Variants in EHBP1 observed in about 807,000 individuals in gnomAD.
The protein encoded by EHBP1 is EH domain-binding protein 1.
EHBP1 carries 55 observed loss-of-function variants against 144.0 expected under a neutral mutation model. The observed-to-expected ratio is 0.38, with a 90% CI of 0.31 to 0.48. The LOEUF (loss-of-function observed/expected upper bound fraction) is 0.48, where lower values mean the gene tolerates loss of function less well. Ranked by LOEUF, EHBP1 falls within the 20% of genes least tolerant of loss-of-function variation. The probability of loss-of-function intolerance (pLI) is 0.98; values close to 1 mark genes in which losing one functional copy is unlikely to be tolerated. For missense variants in EHBP1, 1,200 were observed against 1,364.2 expected (o/e 0.88, Z 1.90); for synonymous variants, 469 against 472.7 (o/e 0.99, Z 0.10).
chr2:62,783,279 C>T (rs1266220873), intron 5 of EHBP1, among the ~76,000 whole-genome samples: 1 of 152,156 alleles, frequency 6.6e-6, no homozygotes, highest in African/African-American at 2.4e-5. Context: ...GTGGCTTTTC[C>T]AGGTGCACAG....
At chr2:62,741,605 C>T (rs1364366405) in intron 2 of EHBP1, among the ~76,000 whole-genome samples, 9 of 151,516 alleles carry the variant, frequency 5.9e-5, no homozygotes, top group African/African-American at 2.2e-4. Flanking sequence ...TAGTGCAGTC[C>T]CTTCATTTGA....
chr2:62,701,196 T>C (rs1165692185), upstream of EHBP1, among the ~76,000 whole-genome samples: 2 of 152,192 alleles, frequency 1.3e-5, no homozygotes, highest in African/African-American at 4.8e-5. Context: ...GTGAGGCATA[T>C]ATATAATTTA....
At chr2:62,962,895 G>A (rs1054855068) in intron 14 of EHBP1, among the ~76,000 whole-genome samples, 1 of 152,188 alleles carries the variant, frequency 6.6e-6, no homozygotes, top group Non-Finnish European at 1.5e-5. Context: ...CAGACTTGAA[G>A]TTTTTCTCCT....
intron 10 of EHBP1, among the ~76,000 whole-genome samples, chr2:62,898,837 T>A (rs1326794895): frequency 6.6e-6 from 1 of 152,156 alleles, no homozygotes; most frequent in Non-Finnish European, 1.5e-5. Context: ...CGGCCTTTAA[T>A]AGAGAAAGAG....
intron 5 of EHBP1, among the ~76,000 whole-genome samples, chr2:62,813,607 T>A (rs542718387): frequency 6.6e-6 from 1 of 152,280 alleles, no homozygotes; most frequent in East Asian, 1.9e-4. Flanking sequence ...TGAGAGCTGC[T>A]GGGTGGACTG....
intron 19 of EHBP1, among the ~76,000 whole-genome samples, chr2:63,014,044 A>C (rs982882339): frequency 9.2e-5 from 14 of 152,330 alleles, no homozygotes; most frequent in Admixed American, 2.6e-4. Context: ...GGCACCAGGA[A>C]GTACTCCGCA....
rs544674407 is a variant in EHBP1 at position 62,796,843 on chromosome 2, A to T, written c.312+25451A>T. ...ACTTCTGACTTTTTTTTTTTTTTTT[A>T]AATTTCTAAGACCAAACAGAGGCAG... is the stretch of plus-strand genomic sequence containing the variant. On this transcript the variant is annotated intron_variant, in intron 5 of 22. Coordinates refer to ENST00000431489, the MANE Select transcript of EHBP1 (RefSeq NM_001142616.3). Among the ~76,000 whole-genome samples, 895 of 147,214 alleles carry T rather than the reference A, an allele frequency of 6.1e-3. 7 individuals are homozygous for T. The highest frequency in any genetic ancestry group is 0.017 in the African/African-American group (684 of 40,124).
chr2:62,928,125 C>A lies in EHBP1; in HGVS notation c.1186-14593C>A, dbSNP rs2055678717. Among the ~76,000 whole-genome samples the A allele has an allele frequency of 2.6e-5, 4 of 152,170 alleles. No individual in the cohort carries two copies. In the South Asian group the frequency reaches 8.3e-4, roughly 31 times the overall value. Reference sequence around the variant, plus strand: ...GGAAATTTTTAGCAATTAACACTCACATTCAAATACAAGAAAGGGAACACC... The same window carrying A: ...GGAAATTTTTAGCAATTAACACTCAAATTCAAATACAAGAAAGGGAACACC... On this transcript the variant is annotated intron_variant, in intron 10 of 22. Transcript: ENST00000431489.
At chr2:62,851,346 A>C (rs2048681843) in intron 7 of EHBP1, among the ~76,000 whole-genome samples, 1 of 152,250 alleles carries the variant, frequency 6.6e-6, no homozygotes, top group South Asian at 2.1e-4. Flanking sequence ...CAGTTCTTCA[A>C]GTGTGTCATG....
At chr2:62,894,850 A>G (rs937795922) in intron 10 of EHBP1, among the ~76,000 whole-genome samples, 2 of 151,542 alleles carry the variant, frequency 1.3e-5, no homozygotes, top group Non-Finnish European at 2.9e-5. Flanking sequence ...CCCAGGAGTT[A>G]GAGGTTACAG....
intron 19 of EHBP1, among the ~76,000 whole-genome samples, chr2:63,017,349 T>C (rs1434903951): frequency 6.6e-6 from 1 of 152,178 alleles, no homozygotes; most frequent in Non-Finnish European, 1.5e-5. Flanking sequence ...GATCCCTCAT[T>C]ATGCCTGAGG....
intron 14 of EHBP1, among the ~76,000 whole-genome samples, chr2:62,974,130 T>TCCAGATACTAATA (rs1385243977): frequency 1.3e-5 from 2 of 152,202 alleles, no homozygotes; most frequent in African/African-American, 4.8e-5. Context: ...AGCTTGTGTC[T>TCCAGATACTAATA]CCAGATACTA....
rs539349378 is a variant in EHBP1, at chr2:62,978,068, T to A, written c.2461-1120T>A. ...GAGGTTCGGAGATGTTAAGGGGAGATAACCCTGCAAAGATATGTTGGGGCC... is the reference window on the plus strand; with the variant it reads ...GAGGTTCGGAGATGTTAAGGGGAGAAAACCCTGCAAAGATATGTTGGGGCC... On this transcript the variant is annotated intron_variant, in intron 14 of 22. Transcript: ENST00000431489. Among the ~76,000 whole-genome samples the A allele has an allele frequency of 8.1e-4, 123 of 152,268 alleles. 2 individuals are homozygous for A. In the South Asian group the frequency reaches 0.019, roughly 24 times the overall value.
chr2:62,677,832 G>A (rs1323917485), intron 1 of EHBP1, among the ~76,000 whole-genome samples: 11 of 152,018 alleles, frequency 7.2e-5, no homozygotes, highest in Admixed American at 7.2e-4. Context: ...CTTTCTTTTG[G>A]CTGAATAGTA....
intron 5 of EHBP1, among the ~76,000 whole-genome samples, chr2:62,821,771 G>A (rs528531649): frequency 3.1e-4 from 47 of 152,210 alleles, no homozygotes; most frequent in African/African-American, 9.1e-4. Context: ...GTTTTATACC[G>A]TGTTCTTAGT....
At chr2:62,856,825 C>G (rs901330390) in intron 7 of EHBP1, among the ~76,000 whole-genome samples, 1 of 152,150 alleles carries the variant, frequency 6.6e-6, no homozygotes, top group Non-Finnish European at 1.5e-5. Context: ...CATAAGGTGG[C>G]AGATGGAATT....
chr2:63,039,315 A>C (rs557431829), intron 21 of EHBP1, among the ~76,000 whole-genome samples: 1 of 152,328 alleles, frequency 6.6e-6, no homozygotes, highest in African/African-American at 2.4e-5. Flanking sequence ...AGATAAATGA[A>C]ACAGTTTCAT....
chr2:62,694,178 C>A (rs760050670), intron 1 of EHBP1, among the ~76,000 whole-genome samples: 1 of 152,122 alleles, frequency 6.6e-6, no homozygotes, highest in Non-Finnish European at 1.5e-5. Context: ...TCCTTAAGGG[C>A]GTTCTTTTTC....
intron 13 of EHBP1, 51 bp downstream of exon 13, chr2:62,949,213 G>T (rs765622836): frequency 6.9e-7 from 1 of 1,443,236 alleles, no homozygotes. Flanking sequence ...GTTATTCTCT[G>T]TTTTTGTTTC....
Sources: allele counts gnomAD v4.1 joint callset (sites outside exome capture counted in the v4.1 genomes callset), GRCh38; gene constraint gnomAD v4.1.1; transcripts MANE v1.5; gene names NCBI Gene and HGNC (gene_info 2026-07-23, HGNC 2026-07-21).